Variants in ACSL5 observed in about 807,000 individuals in gnomAD.
ACSL5 encodes acyl-CoA synthetase long chain family member 5, also known as long-chain-fatty-acid--CoA ligase 5.
Under a neutral mutation model 84.9 loss-of-function variants are expected in ACSL5, and 50 were observed. The ratio of observed to expected loss-of-function variants is 0.59; its 90% CI spans 0.47 to 0.75. The LOEUF (loss-of-function observed/expected upper bound fraction) is 0.75. Ranked by LOEUF, ACSL5 falls within the 30% of genes least tolerant of loss-of-function variation. The pLI, the probability that ACSL5 is intolerant of heterozygous loss-of-function variation, is 0.00. For synonymous variants in ACSL5, 280 were observed against 300.7 expected (o/e 0.93, Z 0.71); for missense variants, 775 against 830.4 (o/e 0.93, Z 0.82).
intron 1 of ACSL5, among the ~76,000 whole-genome samples, chr10:112,379,518 C>T (rs1849308402): frequency 6.6e-6 from 1 of 151,788 alleles, no homozygotes. Context: ...TGGGACATCT[C>T]GTAATAGAAC....
intron 16 of ACSL5, 139 bp from the exon 17 acceptor site, chr10:112,422,186 G>C (rs765688527): frequency 4.2e-5 from 46 of 1,090,554 alleles, no homozygotes; most frequent in Middle Eastern, 2.9e-4. Context: ...ATCCCCTATA[G>C]TGGAGACTTA....
chr10:112,425,000 C>G (rs1471365853), intron 17 of ACSL5: 2 of 173,732 alleles, frequency 1.2e-5, no homozygotes, highest in African/African-American at 4.7e-5. Flanking sequence ...TCTGAGAGTT[C>G]TGAAAATGAA....
In ACSL5 at chr10:112,422,034, A is replaced by C; in HGVS notation, c.1475A>C (p.Glu492Ala). 1 of 1,614,058 alleles carries C rather than the reference A, an allele frequency of 6.2e-7. No homozygotes were observed. The highest frequency in any genetic ancestry group is 8.5e-7 in the Non-Finnish European group (1 of 1,179,968). The change falls in exon 16 of 21, where the codon GAG (glutamate) becomes GCG (alanine). Residue 492 changes from glutamate (E) to alanine (A), a missense_variant and splice_region_variant. Transcript: ENST00000354655. ...TACTTTACAGTGAATAATGAAGGAG[A>C]GGTGGGTAGGTCATGCCCTGTGGTC... ...MNYFTVNNEG[E>A]VCIKGTNVFK... is the part of the protein sequence containing the mutation.
chr10:112,427,532 A>G lies in ACSL5; in HGVS notation c.*174A>G. On this transcript the variant is annotated 3_prime_UTR_variant, in exon 21 of 21. Transcript: ENST00000354655. ...ATATAATGTGTAAACTTAGTTCCCA[A>G]ATAAATCAATCCTGTCTTTCCCATC... 1 of 503,316 alleles carries G rather than the reference A, an allele frequency of 2.0e-6. No individual in the cohort carries two copies. The allele number at this position is 503,316 out of a possible 1,614,324, so 31.2% of individuals were successfully genotyped here. A position where few individuals can be genotyped will look rare whatever the true frequency, so the allele number is the denominator to read the frequency against.
At chr10:112,427,117 T>C (rs1195537486) in intron 20 of ACSL5, 101 bp from the exon 21 acceptor site, 18 of 1,261,102 alleles carry the variant, frequency 1.4e-5, no homozygotes, top group Non-Finnish European at 2.0e-5. Flanking sequence ...CCTTTACCCT[T>C]TCACTGCATC....
At chr10:112,379,766 T>G (rs909771758) in intron 1 of ACSL5, among the ~76,000 whole-genome samples, 21 of 152,234 alleles carry the variant, frequency 1.4e-4, no homozygotes, top group Non-Finnish European at 8.8e-5. Context: ...GTTGCTCTGG[T>G]ACCTGGAAGG....
chr10:112,386,618 A>T (rs1450478285), intron 1 of ACSL5, among the ~76,000 whole-genome samples: 2 of 151,894 alleles, frequency 1.3e-5, no homozygotes, highest in Non-Finnish European at 2.9e-5. Context: ...TTTTTTCTGG[A>T]TGTACTTTAG....
intron 17 of ACSL5, 74 bp downstream of exon 17, chr10:112,422,515 T>A: frequency 7.1e-7 from 1 of 1,398,842 alleles, no homozygotes; most frequent in Non-Finnish European, 1.0e-6. Context: ...TAGCAAGAGG[T>A]GCAGAAATGC....
At chr10:112,425,640 G>A in intron 18 of ACSL5, 159 bp downstream of exon 18, 1 of 642,836 alleles carries the variant, frequency 1.6e-6, no homozygotes. Flanking sequence ...CCTCAAATAA[G>A]GCAATTTCAA....
Position 112,413,069 on chromosome 10 carries a change from G to A in ACSL5, c.949-104G>A, listed in dbSNP as rs193126795. ...ATTCCTTCCAAGACAGGTCCCCACT[G>A]AAGGGGTTGTTTGCCTCAGCCCACC... On this transcript the variant is annotated intron_variant, in intron 11 of 20. Coordinates refer to ENST00000354655, the MANE Select transcript of ACSL5 (RefSeq NM_203379.2). The A allele has an allele frequency of 1.2e-4, 154 of 1,274,616 alleles. No individual in the cohort carries two copies. The Admixed American group carries it at 2.8e-3, about 23-fold the overall frequency. The allele number at this position is 1,274,616 out of a possible 1,614,324, so 79.0% of individuals were successfully genotyped here. A position where few individuals can be genotyped will look rare whatever the true frequency, so the allele number is the denominator to read the frequency against.
chr10:112,392,130 T>A (rs1230682387), intron 1 of ACSL5, among the ~76,000 whole-genome samples: 2 of 152,204 alleles, frequency 1.3e-5, no homozygotes, highest in African/African-American at 2.4e-5. Context: ...TAAGGATCTC[T>A]TAATTTGTGG....
At position 112,416,983 on chromosome 10, in the gene ACSL5, T is replaced by A; in HGVS notation, c.1179T>A (p.His393Gln). 2 of 1,613,986 alleles carry A rather than the reference T, an allele frequency of 1.2e-6. No homozygotes were observed. The highest frequency in any genetic ancestry group is 1.7e-6 in the Non-Finnish European group (2 of 1,179,950). ...FKELQKGIIR[H>Q]DSFWDKLIFA... Reference sequence around the variant, plus strand: ...AGCTTCAAAAGGGTATCATCAGGCATGATAGTTTCTGGGACAAGCTCATCT... The same window carrying A: ...AGCTTCAAAAGGGTATCATCAGGCAAGATAGTTTCTGGGACAAGCTCATCT... The change falls in exon 13 of 21, where the codon CAT becomes CAA. Residue 393 changes from histidine (H) to glutamine (Q), a missense_variant. Coordinates refer to ENST00000354655, the MANE Select transcript of ACSL5 (RefSeq NM_203379.2).
At chr10:112,400,410 T>C (rs1203367984) in intron 3 of ACSL5, among the ~76,000 whole-genome samples, 2 of 111,360 alleles carry the variant, frequency 1.8e-5, no homozygotes, top group Admixed American at 9.3e-5. Flanking sequence ...TCTTTTCTTT[T>C]TTTTTTTTTT....
In ACSL5 at chr10:112,425,373, C is replaced by T. The variant is rs748682330; in HGVS notation, c.1629C>T (p.Asn543=). ...GTLKIIDRKK[N]IFKLAQGEYI... is the part of the protein sequence containing the mutation. Reference sequence around the variant, plus strand: ...TGAAGATCATCGACCGTAAAAAGAACATTTTCAAGCTGGCCCAAGGAGAAT... The same window carrying T: ...TGAAGATCATCGACCGTAAAAAGAATATTTTCAAGCTGGCCCAAGGAGAAT... Residue 543 remains asparagine, a synonymous_variant, in exon 18 of 21, where the codon AAC becomes AAT. Transcript: ENST00000354655. The T allele has an allele frequency of 6.2e-7, 1 of 1,613,052 alleles. No individual in the cohort carries two copies. Among genetic ancestry groups the T allele is most frequent in the Non-Finnish European group, 8.5e-7 (1 of 1,179,562 alleles).
At chr10:112,386,041 C>T (rs969606147) in intron 1 of ACSL5, among the ~76,000 whole-genome samples, 1 of 151,904 alleles carries the variant, frequency 6.6e-6, no homozygotes, top group African/African-American at 2.4e-5. Context: ...TGTCTCAGTA[C>T]GTTTATTTTA....
At chr10:112,414,770 A>T (rs1340510474) in intron 12 of ACSL5, among the ~76,000 whole-genome samples, 2 of 152,152 alleles carry the variant, frequency 1.3e-5, no homozygotes, top group Non-Finnish European at 2.9e-5. Context: ...CTCATCTTGT[A>T]TATTTCTCAC....
chr10:112,410,553 G>T (rs749065952), intron 8 of ACSL5, 31 bp from the exon 9 acceptor site: 3 of 1,614,104 alleles, frequency 1.9e-6, no homozygotes, highest in Non-Finnish European at 2.5e-6. Context: ...AAAGTTCATG[G>T]TGGAATAAGC....
chr10:112,426,434 G>A, intron 19 of ACSL5, 75 bp downstream of exon 19: 1 of 1,278,986 alleles, frequency 7.8e-7, no homozygotes. Flanking sequence ...ACCAGTTCCT[G>A]CATCTGTCAC....
intron 1 of ACSL5, 192 bp from the exon 2 acceptor site, chr10:112,394,726 T>C (rs1843708157): frequency 1.0e-6 from 1 of 984,526 alleles, no homozygotes; most frequent in African/African-American, 1.7e-5. Context: ...GTTCTATTAT[T>C]TTCAACAGTG....
Sources: gnomAD v4.1 joint callset for allele counts (sites outside exome capture counted in the v4.1 genomes callset) on GRCh38, gnomAD v4.1.1 for gene constraint, MANE v1.5 for transcripts, NCBI Gene and HGNC (gene_info 2026-07-23, HGNC 2026-07-21) for gene names.